ATP2A1: variants seen among roughly 807,000 people sequenced by gnomAD.
The protein encoded by ATP2A1 is sarcoplasmic/endoplasmic reticulum calcium ATPase 1.
Under a neutral mutation model 109.5 loss-of-function variants are expected in ATP2A1, and 83 were observed. That is an observed-to-expected ratio of 0.76 (90% CI 0.63 to 0.91). The LOEUF (loss-of-function observed/expected upper bound fraction) is 0.91. Ranked by LOEUF, ATP2A1 falls within the 40% of genes least tolerant of loss-of-function variation. The pLI is 0.00. For synonymous variants in ATP2A1, 505 were observed against 537.6 expected (o/e 0.94, Z 0.84); for missense variants, 1,101 against 1,341.0 (o/e 0.82, Z 2.80).
chr16:28,901,045 G>A (rs1380181162), intron 15 of ATP2A1, 129 bp downstream of exon 15: 6 of 1,258,984 alleles, frequency 4.8e-6, no homozygotes, highest in Non-Finnish European at 6.8e-6. Flanking sequence ...CAGACCCCAA[G>A]GAAGAGTCTG....
intron 14 of ATP2A1, 99 bp from the exon 15 acceptor site, chr16:28,900,482 T>G: frequency 2.0e-5 from 8 of 400,814 alleles, no homozygotes; most frequent in Non-Finnish European, 2.6e-5. Flanking sequence ...TCCCCACCAC[T>G]TCCTGACCTT....
Position 28,887,675 on chromosome 16 carries a change from A to G in ATP2A1, c.881A>G (p.Tyr294Cys). ...GGCTCCTGGTTCCGCGGGGCCATCT[A>G]CTACTTTAAGATTGCCGTGGCCTTG... ...HGGSWFRGAI[Y>C]YFKIAVALAV... The change falls in exon 8 of 23, where the codon TAC (tyrosine) becomes TGC (cysteine). Residue 294 changes from tyrosine (Y) to cysteine (C), a missense_variant. Coordinates refer to ENST00000395503, the MANE Select transcript of ATP2A1 (RefSeq NM_004320.6). The G allele has an allele frequency of 6.2e-7, 1 of 1,614,104 alleles. No individual in the cohort carries two copies. Among genetic ancestry groups the G allele is most frequent in the East Asian group, 2.2e-5 (1 of 44,884 alleles).
In ATP2A1 at chr16:28,902,553, C is replaced by G; in HGVS notation, c.2525-27C>G. 6.2e-7 allele frequency: 1 copy of G among 1,611,478 alleles called. No homozygotes were observed. Among genetic ancestry groups the G allele is most frequent in the Non-Finnish European group, 8.5e-7 (1 of 1,177,864 alleles). ...ATGCCCCCTATCTCCCCAGCCCTGACCCCCGACTCCCCTCTCTCCACCACA... is the reference window on the plus strand; with the variant it reads ...ATGCCCCCTATCTCCCCAGCCCTGAGCCCCGACTCCCCTCTCTCCACCACA... On this transcript the variant is annotated intron_variant, in intron 17 of 22. Transcript: ENST00000395503. The surrounding 1 kb of genome is among the most constrained non-coding windows in gnomAD (Gnocchi z 4.8).
Position 28,903,719 on chromosome 16 carries a change from C to T in ATP2A1, c.*15C>T, listed in dbSNP as rs1176489182. On this transcript the variant is annotated 3_prime_UTR_variant, in exon 22 of 23. Coordinates refer to ENST00000395503, the MANE Select transcript of ATP2A1 (RefSeq NM_004320.6). The surrounding 1 kb of genome is among the most constrained non-coding windows in gnomAD (Gnocchi z 5.6). Reference sequence around the variant, plus strand: ...CCATAGGATAACTGTTCCCCCTCCTCCATCTCTGAGCCCGTGTCACAGGTA... The same window carrying T: ...CCATAGGATAACTGTTCCCCCTCCTTCATCTCTGAGCCCGTGTCACAGGTA... 4 of 1,613,672 alleles carry T rather than the reference C, an allele frequency of 2.5e-6. No individual in the cohort carries two copies. The Admixed American group carries it at 6.7e-5, about 27-fold the overall frequency.
In ATP2A1 at chr16:28,902,558, G is replaced by C; in HGVS notation, c.2525-22G>C. On this transcript the variant is annotated intron_variant, in intron 17 of 22. Transcript: ENST00000395503. This position sits in a 1 kb window ranked among gnomAD's most constrained non-coding sequence, Gnocchi z 4.8. ...CCCTATCTCCCCAGCCCTGACCCCC[G>C]ACTCCCCTCTCTCCACCACAGGCTA... 1 of 1,612,264 alleles carries C rather than the reference G, an allele frequency of 6.2e-7. No individual in the cohort carries two copies. Among genetic ancestry groups the C allele is most frequent in the Non-Finnish European group, 8.5e-7 (1 of 1,178,730 alleles).
chr16:28,889,511 G>A (rs529323889), intron 9 of ATP2A1, among the ~76,000 whole-genome samples: 8 of 152,270 alleles, frequency 5.3e-5, no homozygotes, highest in South Asian at 4.1e-4. Flanking sequence ...GCCCCTGTTC[G>A]CTTCCCAAAG....
intron 9 of ATP2A1, among the ~76,000 whole-genome samples, chr16:28,889,845 A>T: frequency 6.6e-6 from 1 of 152,326 alleles, no homozygotes; most frequent in South Asian, 2.1e-4. Context: ...TCAAATGTAT[A>T]TTAATAAAAT....
chr16:28,900,993 A>G lies in ATP2A1; in HGVS notation c.2100+77A>G. 1.9e-6 allele frequency: 3 copies of G among 1,548,344 alleles called. No homozygotes were observed. In the East Asian group the frequency reaches 6.7e-5, roughly 35 times the overall value. On this transcript the variant is annotated intron_variant, in intron 15 of 22. Coordinates refer to ENST00000395503, the MANE Select transcript of ATP2A1 (RefSeq NM_004320.6). ...GACTGTGCTGGGGAGAGTGGGGCCCAGGGCCAGAGGGCCCTGGTAAGATGC... is the reference window on the plus strand; with the variant it reads ...GACTGTGCTGGGGAGAGTGGGGCCCGGGGCCAGAGGGCCCTGGTAAGATGC...
At chr16:28,889,016 TC>T in intron 9 of ATP2A1, 63 bp downstream of exon 9, 3 of 1,588,150 alleles carry the variant, frequency 1.9e-6, no homozygotes, top group Middle Eastern at 1.9e-4. Flanking sequence ...AAATGGGCCC[TC>T]CAAAGATAGA....
At chr16:28,892,355 C>A in intron 9 of ATP2A1, 1 of 402,586 alleles carries the variant, frequency 2.5e-6, no homozygotes, top group Non-Finnish European at 5.0e-6. Flanking sequence ...CTGCCCTTCA[C>A]AGAGTTTTGT....
chr16:28,902,802 G>A lies in ATP2A1; in HGVS notation c.2635G>A (p.Asp879Asn). The A allele has an allele frequency of 1.2e-6, 2 of 1,613,672 alleles. No individual in the cohort carries two copies. Among genetic ancestry groups the A allele is most frequent in the South Asian group, 1.1e-5 (1 of 91,062 alleles). ...QLTHFMQCTE[D>N]NTHFEGIDCE... ...GACTCACTTCATGCAGTGCACCGAG[G>A]ACAACACCCACTTTGAGGGCATAGA... Residue 879 changes from aspartate to asparagine, a missense_variant, in exon 19 of 23, where the codon GAC (aspartate) becomes AAC (asparagine). By Grantham distance (23) the Asp-to-Asn change is conservative. Coordinates refer to ENST00000395503, the MANE Select transcript of ATP2A1 (RefSeq NM_004320.6). This position sits in a 1 kb window ranked among gnomAD's most constrained non-coding sequence, Gnocchi z 4.8.
intron 12 of ATP2A1, among the ~76,000 whole-genome samples, chr16:28,897,657 A>T (rs1963954812): frequency 6.6e-6 from 1 of 152,050 alleles, no homozygotes; most frequent in Non-Finnish European, 1.5e-5. Flanking sequence ...TTTAGTAGAG[A>T]CAGGGTTTCA....
chr16:28,879,651 C>T (rs534844795), intron 3 of ATP2A1, 68 bp downstream of exon 3: 781 of 1,510,588 alleles, frequency 5.2e-4, no homozygotes, highest in Non-Finnish European at 6.8e-4. Flanking sequence ...ATGCGGGGCT[C>T]GCAGTCACTG....
At chr16:28,901,732 G>C (rs1467044395) in intron 15 of ATP2A1, 131 bp from the exon 16 acceptor site, 1 of 806,738 alleles carries the variant, frequency 1.2e-6, no homozygotes, top group Non-Finnish European at 2.0e-6. Context: ...TGAGGCAGGA[G>C]GATTGCTTGA....
At chr16:28,887,354 A>C in intron 7 of ATP2A1, 71 bp from the exon 8 acceptor site, 1 of 1,612,632 alleles carries the variant, frequency 6.2e-7, no homozygotes, top group Non-Finnish European at 8.5e-7. Flanking sequence ...GTGTGAGAAG[A>C]GATGGCGTGG....
rs1964094550 is a variant in ATP2A1 at position 28,902,129 on chromosome 16, G to T, written c.2321+46G>T. 6.2e-7 allele frequency: 1 copy of T among 1,613,784 alleles called. No individual in the cohort carries two copies. The highest frequency in any genetic ancestry group is 1.3e-5 in the African/African-American group (1 of 74,942). ...CCAGGAGGAAGCCGGGGTTAGGGTG[G>T]GGTGGCTGCAGGTCTGGGAGGCAGG... is the stretch of plus-strand genomic sequence containing the variant. On this transcript the variant is annotated intron_variant, in intron 16 of 22. Coordinates refer to ENST00000395503, the MANE Select transcript of ATP2A1 (RefSeq NM_004320.6). This position sits in a 1 kb window ranked among gnomAD's most constrained non-coding sequence, Gnocchi z 4.8.
Position 28,888,873 on chromosome 16 carries a change from G to T in ATP2A1, c.1015G>T (p.Val339Leu). The T allele has an allele frequency of 6.2e-7, 1 of 1,613,172 alleles. No homozygotes were observed. Among genetic ancestry groups the T allele is most frequent in the African/African-American group, 1.3e-5 (1 of 74,954 alleles). Residue 339 changes from valine to leucine, a missense_variant, in exon 9 of 23, where the codon GTA becomes TTA. Coordinates refer to ENST00000395503, the MANE Select transcript of ATP2A1 (RefSeq NM_004320.6). ...KNAIVRSLPS[V>L]ETLGCTSVIC... is the part of the protein sequence containing the mutation. Reference sequence around the variant, plus strand: ...TGCCATTGTAAGAAGCTTGCCCTCCGTAGAGACCCTGGGCTGCACCTCTGT... The same window carrying T: ...TGCCATTGTAAGAAGCTTGCCCTCCTTAGAGACCCTGGGCTGCACCTCTGT...
chr16:28,888,718 T>A (rs143934649), intron 8 of ATP2A1, 69 bp from the exon 9 acceptor site: 53 of 1,562,158 alleles, frequency 3.4e-5, no homozygotes, highest in Admixed American at 2.0e-4. Context: ...GGCTACTATT[T>A]AGCCCCTTGC....
chr16:28,879,901 G>A (rs572630714), intron 3 of ATP2A1: 1 of 760,032 alleles, frequency 1.3e-6, no homozygotes, highest in Non-Finnish European at 1.7e-6. Context: ...CCGCGATGCC[G>A]GCTGCGGCGC....
Sources: gnomAD v4.1 joint callset for allele counts (sites outside exome capture counted in the v4.1 genomes callset) on GRCh38, gnomAD v4.1.1 for gene constraint, Gnocchi (gnomAD v3.1) non-coding constraint, MANE v1.5 for transcripts, NCBI Gene and HGNC (gene_info 2026-07-23, HGNC 2026-07-21) for gene names.